ZMIZ1: variants seen among roughly 807,000 people sequenced by gnomAD.
The protein encoded by ZMIZ1 is zinc finger MIZ domain-containing protein 1.
A neutral mutation model predicts 113.9 loss-of-function variants in ZMIZ1; 17 were observed. The ratio of observed to expected loss-of-function variants is 0.15; its 90% CI spans 0.10 to 0.22. The LOEUF is 0.22. Ranked by LOEUF, ZMIZ1 falls within the 10% of genes least tolerant of loss-of-function variation. The pLI is 1.00. For missense variants in ZMIZ1, 1,059 were observed against 1,477.8 expected, an observed-to-expected ratio of 0.72 and a Z score of 4.65; for synonymous variants, 607 against 603.1, an observed-to-expected ratio of 1.01 and a Z score of -0.09.
intron 1 of ZMIZ1, among the ~76,000 whole-genome samples, chr10:79,075,726 C>T (rs1043355701): frequency 2.0e-5 from 3 of 152,258 alleles, no homozygotes; most frequent in African/African-American, 7.2e-5. Context: ...CCTCCCCCAC[C>T]ACTCTTAGCC....
chr10:79,195,060 C>T (rs1230657209), intron 4 of ZMIZ1, among the ~76,000 whole-genome samples: 1 of 152,184 alleles, frequency 6.6e-6, no homozygotes, highest in East Asian at 1.9e-4. Context: ...GGAAGAACAG[C>T]TCCCGGGGCT....
At chr10:79,207,959 A>G (rs1848391578) in intron 5 of ZMIZ1, among the ~76,000 whole-genome samples, 1 of 151,780 alleles carries the variant, frequency 6.6e-6, no homozygotes, top group Admixed American at 6.6e-5. Context: ...ACCAGCATCC[A>G]GAAAGCACTC....
chr10:79,293,337 CT>C (rs546883130), intron 11 of ZMIZ1, 43 bp from the exon 12 acceptor site: 622 of 1,340,582 alleles, frequency 4.6e-4, no homozygotes, highest in South Asian at 1.5e-3. Context: ...GCATTTTATT[CT>C]TTTTTTTTTC....
intron 1 of ZMIZ1, among the ~76,000 whole-genome samples, chr10:79,096,258 A>C (rs993566296): frequency 1.6e-4 from 24 of 152,238 alleles, no homozygotes; most frequent in South Asian, 8.3e-4. Flanking sequence ...CGCCTGTAAT[A>C]CCAGCACTTT....
intron 4 of ZMIZ1, among the ~76,000 whole-genome samples, chr10:79,191,806 C>T (rs1564709556): frequency 6.6e-6 from 1 of 152,224 alleles, no homozygotes; most frequent in East Asian, 1.9e-4. Context: ...AATCATTGCA[C>T]CTCTCAGAGG....
intron 5 of ZMIZ1, among the ~76,000 whole-genome samples, chr10:79,203,602 C>T (rs1848191716): frequency 1.3e-5 from 2 of 152,146 alleles, no homozygotes; most frequent in Admixed American, 6.5e-5. Flanking sequence ...CCACTCCTGC[C>T]GAGACCTGCT....
intron 1 of ZMIZ1, among the ~76,000 whole-genome samples, chr10:79,096,354 A>C (rs1843167664): frequency 6.6e-6 from 1 of 152,148 alleles, no homozygotes; most frequent in Non-Finnish European, 1.5e-5. Flanking sequence ...ACTAAAAAAT[A>C]CAAAAAAATT....
chr10:79,229,843 G>A (rs2132772008), intron 7 of ZMIZ1, among the ~76,000 whole-genome samples: 1 of 152,284 alleles, frequency 6.6e-6, no homozygotes, highest in South Asian at 2.1e-4. Flanking sequence ...CTTCCAGCAG[G>A]AAGTTTCCAA....
In ZMIZ1 at chr10:79,277,313, C is replaced by G; in HGVS notation, c.413C>G (p.Thr138Ser). Residue 138 changes from threonine (T) to serine (S), a missense_variant, in exon 8 of 25, where the codon ACT becomes AGT. By Grantham distance (58) the Thr-to-Ser change is moderately conservative. This residue lies in a region of ZMIZ1 where 272 missense variants were observed against 350.4 expected (regional missense o/e 0.78). Coordinates refer to ENST00000334512, the MANE Select transcript of ZMIZ1 (RefSeq NM_020338.4). ...AGCTCCATGAGCTCCATGAAACCCA[C>G]TCTGTCGCACAGGTAAGTGGGTGGG... is the stretch of plus-strand genomic sequence containing the variant. ...PLSSMSSMKP[T>S]LSHSDGSFPY... is the part of the protein sequence containing the mutation. 6.3e-7 allele frequency: 1 copy of G among 1,596,914 alleles called. No homozygotes were observed. Among genetic ancestry groups the G allele is most frequent in the Non-Finnish European group, 8.5e-7 (1 of 1,172,234 alleles).
intron 2 of ZMIZ1, among the ~76,000 whole-genome samples, chr10:79,138,869 A>C (rs1448437086): frequency 2.0e-5 from 3 of 152,230 alleles, no homozygotes; most frequent in Non-Finnish European, 4.4e-5. Context: ...GCTTTGGACA[A>C]GGCCAGATTT....
intron 24 of ZMIZ1, among the ~76,000 whole-genome samples, chr10:79,311,663 G>T (rs959179891): frequency 6.6e-6 from 1 of 152,004 alleles, no homozygotes; most frequent in Non-Finnish European, 1.5e-5. Context: ...ACTCCAAGAG[G>T]CCCCCATGTG....
At chr10:79,276,020 C>G (rs529847106) in intron 7 of ZMIZ1, among the ~76,000 whole-genome samples, 3 of 152,212 alleles carry the variant, frequency 2.0e-5, no homozygotes, top group Non-Finnish European at 4.4e-5. Flanking sequence ...TCTTGCCCAT[C>G]GACTACTTCC....
At chr10:79,270,738 C>T (rs1488481001) in intron 7 of ZMIZ1, among the ~76,000 whole-genome samples, 1 of 152,192 alleles carries the variant, frequency 6.6e-6, no homozygotes, top group South Asian at 2.1e-4. Flanking sequence ...CCCCTCAGGG[C>T]TGCTGCTTCC....
chr10:79,216,107 TG>T, intron 6 of ZMIZ1, 61 bp from the exon 7 acceptor site: 1 of 1,246,316 alleles, frequency 8.0e-7, no homozygotes. Context: ...ACCTGCAAAA[TG>T]GGCATATCCA....
chr10:79,142,422 T>G (rs1227237116), intron 3 of ZMIZ1, among the ~76,000 whole-genome samples: 1 of 150,136 alleles, frequency 6.7e-6, no homozygotes, highest in African/African-American at 2.5e-5. Context: ...GGGGAGTGAG[T>G]GGATAAGGGG....
chr10:79,161,422 A>C (rs1846112647), intron 3 of ZMIZ1, among the ~76,000 whole-genome samples: 1 of 152,078 alleles, frequency 6.6e-6, no homozygotes, highest in Non-Finnish European at 1.5e-5. Flanking sequence ...CATCTGCTAC[A>C]CCACAGACCC....
intron 1 of ZMIZ1, among the ~76,000 whole-genome samples, chr10:79,105,231 G>A (rs772354614): frequency 1.8e-4 from 27 of 152,260 alleles, no homozygotes; most frequent in Admixed American, 5.2e-4. Flanking sequence ...CACACCAGCC[G>A]CAGGTCACAG....
intron 4 of ZMIZ1, among the ~76,000 whole-genome samples, chr10:79,176,704 G>A (rs902073526): frequency 1.3e-5 from 2 of 152,186 alleles, no homozygotes; most frequent in African/African-American, 4.8e-5. Flanking sequence ...GACTGGGAGA[G>A]GTGTGCAGTG....
chr10:79,077,600 A>G (rs1564637129), intron 1 of ZMIZ1, among the ~76,000 whole-genome samples: 1 of 152,220 alleles, frequency 6.6e-6, no homozygotes, highest in Non-Finnish European at 1.5e-5. Context: ...TCTGCCATAA[A>G]TATAATAGCC....
Sources: allele counts gnomAD v4.1 joint callset (sites outside exome capture counted in the v4.1 genomes callset), GRCh38; gene constraint gnomAD v4.1.1; regional missense constraint gnomAD v4.1.1; transcripts MANE v1.5; gene names NCBI Gene and HGNC (gene_info 2026-07-23, HGNC 2026-07-21).